LUZP2: variants seen among roughly 807,000 people sequenced by gnomAD.
LUZP2 encodes the protein leucine zipper protein 2.
In LUZP2, 52 loss-of-function variants were observed where a neutral mutation model predicts 51.6. The observed-to-expected ratio is 1.01, with a 90% CI of 0.81 to 1.27. The LOEUF is 1.27. LUZP2 is among the 50% of genes most tolerant of loss of function. LUZP2 has a pLI of 0.00. For missense variants in LUZP2, 436 were observed against 395.4 expected, an observed-to-expected ratio of 1.10 and a Z score of -0.87; for synonymous variants, 154 against 137.3, an observed-to-expected ratio of 1.12 and a Z score of -0.85.
At chr11:24,721,988 T>C (rs1251300657) in intron 1 of LUZP2, among the ~76,000 whole-genome samples, 1 of 152,180 alleles carries the variant, frequency 6.6e-6, no homozygotes, top group Non-Finnish European at 1.5e-5. Flanking sequence ...TGACATCTTT[T>C]TATTGAAAAA....
intron 7 of LUZP2, among the ~76,000 whole-genome samples, chr11:24,952,488 GA>G (rs1487616416): frequency 1.3e-5 from 2 of 151,664 alleles, no homozygotes; most frequent in Admixed American, 6.6e-5. Context: ...AAGGAATGGG[GA>G]ATTGAGATTT....
chr11:25,063,597 T>G (rs1210891671), intron 10 of LUZP2, among the ~76,000 whole-genome samples: 1 of 151,854 alleles, frequency 6.6e-6, no homozygotes, highest in Non-Finnish European at 1.5e-5. Context: ...TTTGTGTAAT[T>G]TGATCATACC....
intron 5 of LUZP2, among the ~76,000 whole-genome samples, chr11:24,824,921 T>C (rs1850479418): frequency 6.6e-6 from 1 of 152,116 alleles, no homozygotes; most frequent in South Asian, 2.1e-4. Flanking sequence ...TTGCTTACTA[T>C]ATATTATCCA....
intron 1 of LUZP2, among the ~76,000 whole-genome samples, chr11:24,615,367 T>G (rs1232454409): frequency 6.6e-6 from 1 of 152,068 alleles, no homozygotes; most frequent in East Asian, 1.9e-4. Context: ...TGCCTACATT[T>G]TGGTCTTTTA....
chr11:24,842,420 C>T (rs1482319658), intron 5 of LUZP2, among the ~76,000 whole-genome samples: 1 of 151,676 alleles, frequency 6.6e-6, no homozygotes, highest in Non-Finnish European at 1.5e-5. Flanking sequence ...AAAGGCATTG[C>T]ATGAATCTAG....
At chr11:24,954,534 A>G (rs144901526) in intron 7 of LUZP2, among the ~76,000 whole-genome samples, 5 of 152,116 alleles carry the variant, frequency 3.3e-5, no homozygotes, top group African/African-American at 9.6e-5. Context: ...TCCTTATACA[A>G]TCATTGTGAG....
chr11:25,068,301 AG>A (rs1859053852), intron 10 of LUZP2, among the ~76,000 whole-genome samples: 1 of 152,066 alleles, frequency 6.6e-6, no homozygotes, highest in Non-Finnish European at 1.5e-5. Flanking sequence ...GTATCCCAGA[AG>A]TTAAAGTATG....
At chr11:24,522,492 C>T (rs1485586410) in intron 1 of LUZP2, among the ~76,000 whole-genome samples, 1 of 152,084 alleles carries the variant, frequency 6.6e-6, no homozygotes, top group East Asian at 1.9e-4. Context: ...ATAGAGGCTT[C>T]TCAGTTAGTC....
At chr11:24,673,123 A>G (rs1413423433) in intron 1 of LUZP2, among the ~76,000 whole-genome samples, 1 of 152,116 alleles carries the variant, frequency 6.6e-6, no homozygotes, top group Non-Finnish European at 1.5e-5. Context: ...CCATGGAAAA[A>G]TTGTCTTCCA....
chr11:25,016,698 A>G lies in LUZP2; in HGVS notation c.766-33340A>G, dbSNP rs78565975. On this transcript the variant is annotated intron_variant, in intron 9 of 11. Coordinates refer to ENST00000336930, the MANE Select transcript of LUZP2 (RefSeq NM_001009909.4). Reference sequence around the variant, plus strand: ...GTTGATGTTCACTTAGTTTGGTTTCATAGCTTTGGAATTGTAAATTGTGCT... The same window carrying G: ...GTTGATGTTCACTTAGTTTGGTTTCGTAGCTTTGGAATTGTAAATTGTGCT... Among the ~76,000 whole-genome samples the G allele has an allele frequency of 5.3e-3, 807 of 152,198 alleles. 4 individuals are homozygous for G. The highest frequency in any genetic ancestry group is 0.019 in the African/African-American group (770 of 41,542).
chr11:24,675,850 G>C (rs111563973), intron 1 of LUZP2, among the ~76,000 whole-genome samples: 27,800 of 149,296 alleles, frequency 0.19, 2,680 homozygotes, highest in East Asian at 0.33. Context: ...ACAGAGTCTC[G>C]CTCTGTTGCC....
intron 1 of LUZP2, among the ~76,000 whole-genome samples, chr11:24,639,409 C>A (rs899503034): frequency 2.6e-5 from 4 of 151,048 alleles, no homozygotes; most frequent in Admixed American, 2.6e-4. Context: ...TTTATGTTTC[C>A]CCTTATATTT....
rs185121553 is a variant in LUZP2, at chr11:24,658,716, A to G, written c.63-70453A>G. 2.6e-5 allele frequency among the ~76,000 whole-genome samples: 4 copies of G among 152,350 alleles called. No homozygotes were observed. In the East Asian group the frequency reaches 7.7e-4, roughly 29 times the overall value. On this transcript the variant is annotated intron_variant, in intron 1 of 11. Coordinates refer to ENST00000336930, the MANE Select transcript of LUZP2 (RefSeq NM_001009909.4). ...TATCCAGAATCTACAATGAACTCAA[A>G]CAAATTTACAAGAAAAAAACAACCC...
chr11:24,876,251 A>G (rs966096772), intron 5 of LUZP2, among the ~76,000 whole-genome samples: 50 of 148,552 alleles, frequency 3.4e-4, no homozygotes, highest in Admixed American at 8.7e-4. Context: ...TAAGTCTTTA[A>G]TCCATCTTGA....
At chr11:24,535,207 G>A (rs2133832963) in intron 1 of LUZP2, among the ~76,000 whole-genome samples, 1 of 151,334 alleles carries the variant, frequency 6.6e-6, no homozygotes, top group South Asian at 2.1e-4. Context: ...CTAGTGGAAA[G>A]TTTTACCTCA....
At chr11:24,857,314 C>CATATATATATATACATATATAT (rs1565000657) in intron 5 of LUZP2, among the ~76,000 whole-genome samples, 16 of 10,062 alleles carry the variant, frequency 1.6e-3, no homozygotes, top group East Asian at 4.9e-3. Flanking sequence ...CATATATATA[C>CATATATATATATACATATATAT]ACACACACAC....
intron 1 of LUZP2, among the ~76,000 whole-genome samples, chr11:24,658,317 C>A (rs556822850): frequency 1.8e-4 from 27 of 152,200 alleles, no homozygotes; most frequent in African/African-American, 3.4e-4. Flanking sequence ...AAAAACAAGA[C>A]ATGGGGAAAG....
chr11:24,786,659 A>AATATATATATATGTATATTATGTATTT, intron 5 of LUZP2: 1 of 16,332 alleles, frequency 6.1e-5, no homozygotes, highest in Non-Finnish European at 1.2e-4. Flanking sequence ...ATAGGTATAT[A>AATATATATATATGTATATTATGTATTT]ATATATAAAT....
At chr11:24,871,149 AT>A (rs1251514876) in intron 5 of LUZP2, among the ~76,000 whole-genome samples, 1 of 152,102 alleles carries the variant, frequency 6.6e-6, no homozygotes, top group East Asian at 1.9e-4. Context: ...CAGATTTACA[AT>A]TTTTTTAGTA....
Sources: gnomAD v4.1 joint callset for allele counts (sites outside exome capture counted in the v4.1 genomes callset) on GRCh38, gnomAD v4.1.1 for gene constraint, MANE v1.5 for transcripts, NCBI Gene and HGNC (gene_info 2026-07-23, HGNC 2026-07-21) for gene names.